The following CCN6 variants were observed in gnomAD, a reference collection of about 807,000 sequenced individuals.
CCN6 encodes CCN family member 6.
CCN6 carries 31 observed loss-of-function variants against 37.4 expected under a neutral mutation model. The ratio of observed to expected loss-of-function variants is 0.83; its 90% CI spans 0.62 to 1.12. The LOEUF is 1.12. Among genes scored for constraint, CCN6 ranks in the 50% most tolerant of loss-of-function variants. The pLI is 0.00. For synonymous variants in CCN6, 137 were observed against 142.1 expected (o/e 0.96, Z 0.26); for missense variants, 369 against 413.8 (o/e 0.89, Z 0.94).
intron 3 of CCN6, among the ~76,000 whole-genome samples, chr6:112,067,510 G>A (rs1554314261): frequency 6.6e-6 from 1 of 152,062 alleles, no homozygotes; most frequent in African/African-American, 2.4e-5. Flanking sequence ...CCCATCTATT[G>A]ATCCATCCAT....
chr6:112,060,269 G>A (rs1449754670), intron 1 of CCN6, among the ~76,000 whole-genome samples: 1 of 152,180 alleles, frequency 6.6e-6, no homozygotes, highest in Non-Finnish European at 1.5e-5. Context: ...AGTGGACAAA[G>A]GAGCAAGGAA....
At chr6:112,060,559 T>C (rs587773024) in intron 1 of CCN6, among the ~76,000 whole-genome samples, 1 of 152,158 alleles carries the variant, frequency 6.6e-6, no homozygotes, top group South Asian at 2.1e-4. Context: ...TTTGGTCATA[T>C]TAAATTTGCT....
intron 2 of CCN6, among the ~76,000 whole-genome samples, chr6:112,063,473 T>C (rs782391383): frequency 5.3e-5 from 8 of 152,214 alleles, no homozygotes; most frequent in Admixed American, 3.3e-4. Flanking sequence ...AAAATATGTT[T>C]ACTGTGTTGT....
rs1776478940 is a variant in CCN6 at position 112,060,429 on chromosome 6, T to C, written c.49-562T>C. Among the ~76,000 whole-genome samples, 5 of 152,110 alleles carry C rather than the reference T, an allele frequency of 3.3e-5. No homozygotes were observed. In the South Asian group the frequency reaches 1.0e-3, roughly 32 times the overall value. ...TTTACTGATGGAATTAGATGTAAAA[T>C]ATGAAAGAGAAGAGTCAAGCATGAT... On this transcript the variant is annotated intron_variant, in intron 1 of 4. Transcript: ENST00000368666.
At position 112,061,120 on chromosome 6, in the gene CCN6, C is replaced by T. The variant is rs17073260; in HGVS notation, c.178C>T (p.Arg60Cys). 8,524 of 1,614,098 alleles carry T rather than the reference C, an allele frequency of 5.3e-3. 392 individuals carry two copies. The African/African-American group carries it at 0.1, about 19-fold the overall frequency. The change falls in exon 2 of 5, where the codon CGT becomes TGT. Residue 60 changes from arginine (R) to cysteine (C), a missense_variant. Arg to Cys is a radical substitution (Grantham distance 180). Coordinates refer to ENST00000368666, the MANE Select transcript of CCN6 (RefSeq NM_198239.2). ...CTGCAAATGCCCTCAGCAGAAGCCC[C>T]GTTGCCCTCCTGGAGTGAGCCTGGT... ...WPCKCPQQKP[R>C]CPPGVSLVRD...
At chr6:112,053,875 A>G (rs1179759979), upstream of CCN6, among the ~76,000 whole-genome samples, 4 of 151,298 alleles carry the variant, frequency 2.6e-5, no homozygotes, top group Non-Finnish European at 5.9e-5. Flanking sequence ...TGGGGGGGCC[A>G]GGCCTGCACT....
intron 3 of CCN6, among the ~76,000 whole-genome samples, chr6:112,066,674 C>T (rs1205516628): frequency 6.6e-6 from 1 of 152,092 alleles, no homozygotes; most frequent in African/African-American, 2.4e-5. Context: ...TTAAAATTAA[C>T]CATAATGACA....
At chr6:112,061,410 C>G in intron 2 of CCN6, 122 bp downstream of exon 2, 1 of 1,272,052 alleles carries the variant, frequency 7.9e-7, no homozygotes, top group South Asian at 1.2e-5. Context: ...GTTTAGTTTT[C>G]ATGCACCAGT....
intron 1 of CCN6, among the ~76,000 whole-genome samples, chr6:112,055,749 C>A (rs1776329311): frequency 6.6e-6 from 1 of 152,102 alleles, no homozygotes; most frequent in African/African-American, 2.4e-5. Context: ...CACCACCATG[C>A]CTTGCCAATT....
intron 3 of CCN6, among the ~76,000 whole-genome samples, chr6:112,067,369 C>T (rs1456141860): frequency 6.6e-6 from 1 of 152,064 alleles, no homozygotes; most frequent in Non-Finnish European, 1.5e-5. Context: ...GGGCCTGATT[C>T]ATTTATAAGA....
chr6:112,066,252 T>C (rs1232695257), intron 3 of CCN6, among the ~76,000 whole-genome samples: 4 of 152,178 alleles, frequency 2.6e-5, no homozygotes, highest in African/African-American at 4.8e-5. Flanking sequence ...TCTGAAATTA[T>C]AAGCCATGTC....
chr6:112,067,108 G>A (rs1276891655), intron 3 of CCN6: 15 of 1,123,632 alleles, frequency 1.3e-5, no homozygotes, highest in Non-Finnish European at 1.8e-5. Flanking sequence ...AACACTGAAA[G>A]CAGTGTCACA....
rs1554313506 is a variant in CCN6 at position 112,064,738 on chromosome 6, C to A, written c.347-17C>A. ...GATCATGGCTTCTTTGGCAATTTTG[C>A]TCTTTTCTCTTTTCAGACCTTGTAG... is the stretch of plus-strand genomic sequence containing the variant. On this transcript the variant is annotated splice_polypyrimidine_tract_variant and intron_variant, in intron 2 of 4. Coordinates refer to ENST00000368666, the MANE Select transcript of CCN6 (RefSeq NM_198239.2). 6.2e-7 allele frequency: 1 copy of A among 1,613,880 alleles called. No individual in the cohort carries two copies. The highest frequency in any genetic ancestry group is 8.5e-7 in the Non-Finnish European group (1 of 1,179,880).
chr6:112,053,473 CTT>C (rs1308722373), upstream of CCN6, among the ~76,000 whole-genome samples: 12 of 139,806 alleles, frequency 8.6e-5, no homozygotes, highest in Admixed American at 2.2e-4. Flanking sequence ...ATTTTTGTGT[CTT>C]TTTTTTTTTT....
chr6:112,059,478 G>A (rs1041409101), intron 1 of CCN6, among the ~76,000 whole-genome samples: 14 of 152,190 alleles, frequency 9.2e-5, no homozygotes, highest in Admixed American at 8.5e-4. Context: ...CAACGGCATC[G>A]CTCCTACCTC....
At chr6:112,057,422 G>A (rs970247678) in intron 1 of CCN6, among the ~76,000 whole-genome samples, 3 of 152,222 alleles carry the variant, frequency 2.0e-5, no homozygotes, top group African/African-American at 7.2e-5. Context: ...CGTAGTGACG[G>A]TGCTTACTTA....
Position 112,067,382 on chromosome 6 carries a change from A to C in CCN6, c.590-823A>C, listed in dbSNP as rs185211069. 1.2e-3 allele frequency among the ~76,000 whole-genome samples: 178 copies of C among 152,158 alleles called. 1 individual carries two copies. Among genetic ancestry groups the C allele is most frequent in the Middle Eastern group, 6.8e-3 (2 of 294 alleles). On this transcript the variant is annotated intron_variant, in intron 3 of 4. Transcript: ENST00000368666. ...AAGGGCCTGATTCATTTATAAGAAG[A>C]AGCTCCCAGTGACCTTACATGGAAA...
chr6:112,058,415 A>G (rs1432772984), intron 1 of CCN6, among the ~76,000 whole-genome samples: 4 of 152,244 alleles, frequency 2.6e-5, no homozygotes, highest in Non-Finnish European at 5.9e-5. Flanking sequence ...ATAAACATTA[A>G]GAGTTATTTA....
chr6:112,069,424 G>A lies in CCN6; in HGVS notation c.869G>A (p.Ser290Asn), dbSNP rs1562599886. 1 of 1,613,650 alleles carries A rather than the reference G, an allele frequency of 6.2e-7. No homozygotes were observed. The highest frequency in any genetic ancestry group is 8.5e-7 in the Non-Finnish European group (1 of 1,179,860). The change falls in exon 5 of 5, where the codon AGT becomes AAT. Residue 290 changes from serine (S) to asparagine (N), a missense_variant. By Grantham distance (46) the Ser-to-Asn change is conservative (BLOSUM62 1). Coordinates refer to ENST00000368666, the MANE Select transcript of CCN6 (RefSeq NM_198239.2). ...FVFSGCSSTQ[S>N]YKPTFCGICL... ...TTTTCTGGATGCTCAAGTACTCAGAGTTACAAACCCACTTTTTGTGGAATA... is the reference window on the plus strand; with the variant it reads ...TTTTCTGGATGCTCAAGTACTCAGAATTACAAACCCACTTTTTGTGGAATA...
Sources: gnomAD v4.1 joint callset for allele counts (sites outside exome capture counted in the v4.1 genomes callset) on GRCh38, gnomAD v4.1.1 for gene constraint, MANE v1.5 for transcripts, NCBI Gene and HGNC (gene_info 2026-07-23, HGNC 2026-07-21) for gene names.